TMEM150B: variants seen among roughly 807,000 people sequenced by gnomAD.
The protein encoded by TMEM150B is modulator of macroautophagy TMEM150B.
In TMEM150B, 33 loss-of-function variants were observed where a neutral mutation model predicts 25.2. The ratio of observed to expected loss-of-function variants is 1.31; its 90% CI spans 0.99 to 1.75. TMEM150B has a LOEUF of 1.75. TMEM150B is among the 40% of genes most tolerant of loss of function. TMEM150B has a pLI of 0.00. For synonymous variants in TMEM150B, 133 were observed against 134.8 expected (o/e 0.99, Z 0.09); for missense variants, 322 against 306.1 (o/e 1.05, Z -0.39).
intron 6 of TMEM150B, among the ~76,000 whole-genome samples, chr19:55,319,123 T>A (rs1257305661): frequency 6.6e-6 from 1 of 151,622 alleles, no homozygotes; most frequent in Non-Finnish European, 1.5e-5. Context: ...TTTTCTTTTC[T>A]TTTTTGAGAC....
intron 1 of TMEM150B, among the ~76,000 whole-genome samples, chr19:55,322,998 T>C (rs1393961257): frequency 6.6e-6 from 1 of 152,052 alleles, no homozygotes; most frequent in African/African-American, 2.4e-5. Flanking sequence ...CTCCAACTCC[T>C]TCCTCCTTCC....
chr19:55,323,336 G>A (rs2089253742), intron 1 of TMEM150B, among the ~76,000 whole-genome samples: 1 of 151,838 alleles, frequency 6.6e-6, no homozygotes, highest in Non-Finnish European at 1.5e-5. Flanking sequence ...GGAGGCTGAG[G>A]CAGGAGAATC....
chr19:55,316,681 G>T, intron 7 of TMEM150B, 105 bp downstream of exon 7: 2 of 1,181,674 alleles, frequency 1.7e-6, no homozygotes, highest in Non-Finnish European at 2.3e-6. Context: ...AAAGAGTGAG[G>T]CCCAGAGAAA....
intron 2 of TMEM150B, among the ~76,000 whole-genome samples, chr19:55,322,002 C>T (rs1295991180): frequency 6.6e-6 from 1 of 152,214 alleles, no homozygotes; most frequent in Non-Finnish European, 1.5e-5. Flanking sequence ...ATGACATCTC[C>T]ATCCGAAAAT....
chr19:55,319,971 G>A (rs1038895189), intron 6 of TMEM150B, 68 bp downstream of exon 6: 1 of 1,607,996 alleles, frequency 6.2e-7, no homozygotes, highest in Non-Finnish European at 8.5e-7. Flanking sequence ...CTATGGCCAC[G>A]GGGCATGCTG....
downstream of TMEM150B, among the ~76,000 whole-genome samples, chr19:55,310,910 G>T (rs985289916): frequency 6.6e-6 from 1 of 152,076 alleles, no homozygotes; most frequent in African/African-American, 2.4e-5. This position sits in a 1 kb window ranked among gnomAD's most constrained non-coding sequence, Gnocchi z 5.0. Flanking sequence ...AGAATGGGGT[G>T]GGGGGTGCAG....
Position 55,316,796 on chromosome 19 carries a change from G to A in TMEM150B, c.495C>T (p.Leu165=), listed in dbSNP as rs1012249627. 2.6e-6 allele frequency: 4 copies of A among 1,530,624 alleles called. No homozygotes were observed. Among genetic ancestry groups the A allele is most frequent in the African/African-American group, 1.4e-5 (1 of 70,412 alleles). The allele number at this position is 1,530,624 out of a possible 1,614,324, so 94.8% of individuals were successfully genotyped here. ...ATACAAGAAGGATACTGGCCACAAT[G>A]AGGATGGTGCAGACGCTGCAGAGGC... The part of the protein sequence containing the change: ...RLGLCSVCTI[L]IVAMIVLHAC... The change falls in exon 7 of 8, where the codon CTC becomes CTT. Residue 165 remains leucine (L), a synonymous_variant. Coordinates refer to ENST00000326652, the MANE Select transcript of TMEM150B (RefSeq NM_001282011.2).
At chr19:55,322,556 G>A (rs1285494832) in intron 2 of TMEM150B, 92 bp downstream of exon 2, 1 of 480,326 alleles carries the variant, frequency 2.1e-6, no homozygotes, top group Non-Finnish European at 2.7e-6. Context: ...TTCAGTCCTA[G>A]CTCACACATT....
intron 1 of TMEM150B, 41 bp downstream of exon 1, chr19:55,325,231 C>G: frequency 1.0e-6 from 1 of 978,508 alleles, no homozygotes; most frequent in Non-Finnish European, 1.2e-6. Context: ...GGGCTCCAGC[C>G]TGCCGAGCTA....
In TMEM150B at chr19:55,320,460, TG is replaced by T; in HGVS notation, c.129-3del. 1 of 1,595,536 alleles carries T rather than the reference TG, an allele frequency of 6.3e-7. No individual in the cohort carries two copies. Among genetic ancestry groups the T allele is most frequent in the Non-Finnish European group, 8.5e-7 (1 of 1,169,822 alleles). On this transcript the variant is annotated splice_region_variant and splice_polypyrimidine_tract_variant and intron_variant, in intron 4 of 7. Transcript: ENST00000326652. ...TGAGGGGGGAAGGATCCGCAGATGCTGGGGAAGACAAAGGGGTCATCCTGGG... is the reference window on the plus strand; with the variant it reads ...TGAGGGGGGAAGGATCCGCAGATGCTGGGAAGACAAAGGGGTCATCCTGGG...
chr19:55,315,331 CAA>C (rs1393673538), intron 7 of TMEM150B, among the ~76,000 whole-genome samples: 1 of 150,486 alleles, frequency 6.6e-6, no homozygotes, highest in East Asian at 2.0e-4. Context: ...ATAATAATAA[CAA>C]GATAATAATA....
chr19:55,313,191 C>G, intron 7 of TMEM150B, 136 bp from the exon 8 acceptor site: 1 of 873,402 alleles, frequency 1.1e-6, no homozygotes, highest in East Asian at 2.8e-5. Context: ...CGTAGCTCCT[C>G]ACAGACGGGG....
Position 55,320,269 on chromosome 19 carries a change from C to A in TMEM150B, c.197-103G>T, listed in dbSNP as rs1045760414. On this transcript the variant is annotated intron_variant, in intron 5 of 7. Coordinates refer to ENST00000326652, the MANE Select transcript of TMEM150B (RefSeq NM_001282011.2). ...GCAAGGTGAGGGAGAAAGTGGCAAA[C>A]TCCCGGATTTTGGGGAAAGAGGGGC... is the stretch of plus-strand genomic sequence containing the variant. 2.6e-6 allele frequency: 4 copies of A among 1,520,062 alleles called. No homozygotes were observed. In the African/African-American group the frequency reaches 5.6e-5, roughly 21 times the overall value. 94.2% of individuals were successfully genotyped at this position (1,520,062 alleles called of 1,614,324 possible).
chr19:55,311,491 C>T (rs916852558), downstream of TMEM150B, among the ~76,000 whole-genome samples: 6 of 152,192 alleles, frequency 3.9e-5, no homozygotes, highest in Non-Finnish European at 8.8e-5. Context: ...AGCCCAGTTC[C>T]ATGGAACATT....
intron 2 of TMEM150B, among the ~76,000 whole-genome samples, chr19:55,322,316 G>A (rs935177908): frequency 6.6e-6 from 1 of 152,114 alleles, no homozygotes; most frequent in African/African-American, 2.4e-5. Context: ...CACATGCTGG[G>A]CTCTGCAGGA....
intron 6 of TMEM150B, among the ~76,000 whole-genome samples, chr19:55,319,270 CCTAG>C (rs1238601632): frequency 6.6e-6 from 1 of 151,522 alleles, no homozygotes; most frequent in Non-Finnish European, 1.5e-5. Flanking sequence ...TGCCACCACC[CCTAG>C]CTAATTTTTT....
chr19:55,324,990 TCTC>T lies in TMEM150B; in HGVS notation c.-154+279_-154+281del, dbSNP rs1471681830. On this transcript the variant is annotated intron_variant, in intron 1 of 7. Coordinates refer to ENST00000326652, the MANE Select transcript of TMEM150B (RefSeq NM_001282011.2). ...CTCCTCCGTCGGCCCTCAACACTGA[TCTC>T]CTGCCCTGCCCTGTCCTGTGTTTGC... The T allele has an allele frequency of 1.8e-5, 9 of 505,208 alleles. 1 individual carries two copies. Among genetic ancestry groups the T allele is most frequent in the African/African-American group, 1.7e-4 (8 of 47,994 alleles). 31.3% of individuals were successfully genotyped at this position (505,208 alleles called of 1,614,324 possible). A position where few individuals can be genotyped will look rare whatever the true frequency, so the allele number is the denominator to read the frequency against.
Position 55,320,622 on chromosome 19 carries a change from G to C in TMEM150B, c.69-5C>G. The C allele has an allele frequency of 6.2e-7, 1 of 1,613,844 alleles. No individual in the cohort carries two copies. Among genetic ancestry groups the C allele is most frequent in the East Asian group, 2.2e-5 (1 of 44,880 alleles). The stretch of plus-strand genomic sequence containing the variant: ...TTGGTCACTGCAATGGCAAAACTAC[G>C]GAGGAAATCAGAGTGAGTGGGCGAC... On this transcript the variant is annotated splice_region_variant and splice_polypyrimidine_tract_variant and intron_variant, in intron 3 of 7. Transcript: ENST00000326652.
rs1190397375 is a variant in TMEM150B at position 55,320,956 on chromosome 19, C to T, written c.68+13G>A. On this transcript the variant is annotated intron_variant, in intron 3 of 7. Coordinates refer to ENST00000326652, the MANE Select transcript of TMEM150B (RefSeq NM_001282011.2). ...CCTCAGACCCAGGAGTCCATCATGC[C>T]TCTGACACTCACACGATCCAGACGC... 1 of 1,613,392 alleles carries T rather than the reference C, an allele frequency of 6.2e-7. No individual in the cohort carries two copies. Among genetic ancestry groups the T allele is most frequent in the Admixed American group, 1.7e-5 (1 of 59,878 alleles).
Sources: allele counts gnomAD v4.1 joint callset (sites outside exome capture counted in the v4.1 genomes callset), GRCh38; gene constraint gnomAD v4.1.1; non-coding constraint Gnocchi (gnomAD v3.1); transcripts MANE v1.5; gene names NCBI Gene and HGNC (gene_info 2026-07-23, HGNC 2026-07-21).